The following GRK5 variants were observed in gnomAD, a reference collection of about 807,000 sequenced individuals.
GRK5 encodes g protein-coupled receptor kinase GRK5.
In GRK5, 40 loss-of-function variants were observed where a neutral mutation model predicts 78.4. The ratio of observed to expected loss-of-function variants is 0.51; its 90% CI spans 0.40 to 0.66. The LOEUF (loss-of-function observed/expected upper bound fraction) is 0.66, where lower values mean the gene tolerates loss of function less well. Ranked by LOEUF, GRK5 falls within the 30% of genes least tolerant of loss-of-function variation. The pLI, the probability that GRK5 is intolerant of heterozygous loss-of-function variation, is 0.00. For synonymous variants in GRK5, 289 were observed against 296.8 expected (o/e 0.97, Z 0.27); for missense variants, 598 against 759.9 (o/e 0.79, Z 2.50).
At chr10:119,226,291 CTT>C (rs923642113) in intron 1 of GRK5, among the ~76,000 whole-genome samples, 3 of 125,906 alleles carry the variant, frequency 2.4e-5, no homozygotes, top group Non-Finnish European at 1.7e-5. Flanking sequence ...TCTTCTTTTT[CTT>C]TTTTTTTTTT....
chr10:119,243,210 C>T (rs927100414), intron 1 of GRK5, among the ~76,000 whole-genome samples: 2 of 152,126 alleles, frequency 1.3e-5, no homozygotes, highest in African/African-American at 4.8e-5. Context: ...GCATTCCCAC[C>T]TGGGTGAAAG....
At chr10:119,322,104 C>T (rs1464982791) in intron 1 of GRK5, among the ~76,000 whole-genome samples, 4 of 152,180 alleles carry the variant, frequency 2.6e-5, no homozygotes, top group South Asian at 2.1e-4. Context: ...TGCGCCACCA[C>T]GCCCAGCTAC....
intron 1 of GRK5, among the ~76,000 whole-genome samples, chr10:119,249,478 C>T (rs1431127263): frequency 1.3e-5 from 2 of 151,858 alleles, no homozygotes; most frequent in African/African-American, 4.8e-5. Context: ...TGTGTGTAAA[C>T]ACTTTAAACA....
chr10:119,309,256 G>A (rs1372174184), intron 1 of GRK5, among the ~76,000 whole-genome samples: 1 of 152,234 alleles, frequency 6.6e-6, no homozygotes, highest in Non-Finnish European at 1.5e-5. Flanking sequence ...ACCTGGCATG[G>A]GTCAGTGCCG....
At position 119,253,088 on chromosome 10, in the gene GRK5, G is replaced by T. The variant is rs573440208; in HGVS notation, c.52+45119G>T. Among the ~76,000 whole-genome samples, 1 of 152,234 alleles carries T rather than the reference G, an allele frequency of 6.6e-6. No homozygotes were observed. Among genetic ancestry groups the T allele is most frequent in the East Asian group, 1.9e-4 (1 of 5,176 alleles). On this transcript the variant is annotated intron_variant, in intron 1 of 15. Transcript: ENST00000392870. This position sits in a 1 kb window ranked among gnomAD's most constrained non-coding sequence, Gnocchi z 5.7. ...CTGATACGCCCCCTTAGTGCTCAAG[G>T]CTGGTTTCAACCCTGCTGTACTAAT...
Position 119,431,590 on chromosome 10 carries a change from C to G in GRK5, c.738+63C>G. The G allele has an allele frequency of 6.4e-7, 1 of 1,567,214 alleles. No homozygotes were observed. The highest frequency in any genetic ancestry group is 8.7e-7 in the Non-Finnish European group (1 of 1,152,982). ...TCTGTGGACTGGGGCTTCCCTCCCT[C>G]CGGAAGGGCGTGGTCCTCTAATGCG... On this transcript the variant is annotated intron_variant, in intron 8 of 15. Transcript: ENST00000392870. The surrounding 1 kb of genome is among the most constrained non-coding windows in gnomAD (Gnocchi z 4.8).
At chr10:119,450,432 C>T (rs1213545481) in intron 13 of GRK5, among the ~76,000 whole-genome samples, 5 of 152,130 alleles carry the variant, frequency 3.3e-5, no homozygotes, top group Admixed American at 3.3e-4. Flanking sequence ...AGCAAAACCC[C>T]TTAAATAGAA....
At chr10:119,384,337 C>T (rs1273222124) in intron 3 of GRK5, among the ~76,000 whole-genome samples, 1 of 152,218 alleles carries the variant, frequency 6.6e-6, no homozygotes, top group Admixed American at 6.5e-5. Flanking sequence ...ACTGCTGCCC[C>T]GTGCTGGCAG....
intron 1 of GRK5, among the ~76,000 whole-genome samples, chr10:119,317,874 C>T (rs564338061): frequency 7.2e-5 from 11 of 152,206 alleles, no homozygotes; most frequent in Non-Finnish European, 1.5e-4. Context: ...TTTCCAGGCA[C>T]TTTCTCTTGA....
At position 119,431,321 on chromosome 10, in the gene GRK5, C is replaced by G. The variant is rs1360934219; in HGVS notation, c.598-66C>G. On this transcript the variant is annotated intron_variant, in intron 7 of 15. Transcript: ENST00000392870. This position sits in a 1 kb window ranked among gnomAD's most constrained non-coding sequence, Gnocchi z 4.8. ...TACCTGGGAGGCCTGTGGTCCCCGC[C>G]CTGGAGGAGCTCGGGGCAGGCCTCC... 1 of 1,552,232 alleles carries G rather than the reference C, an allele frequency of 6.4e-7. No individual in the cohort carries two copies. Among genetic ancestry groups the G allele is most frequent in the Admixed American group, 1.9e-5 (1 of 52,480 alleles).
At chr10:119,411,842 C>CTT (rs10578557) in intron 4 of GRK5, among the ~76,000 whole-genome samples, 3,444 of 95,644 alleles carry the variant, frequency 0.036, 482 homozygotes, top group East Asian at 0.12. Flanking sequence ...AGATCTGCTT[C>CTT]TTTTTTTTTT....
intron 1 of GRK5, among the ~76,000 whole-genome samples, chr10:119,295,617 C>A (rs1850066428): frequency 6.6e-6 from 1 of 152,120 alleles, no homozygotes; most frequent in Non-Finnish European, 1.5e-5. Context: ...TGGAATACTA[C>A]TCAGCCATAA....
At chr10:119,220,621 G>GC (rs753763264) in intron 1 of GRK5, among the ~76,000 whole-genome samples, 201 of 152,014 alleles carry the variant, frequency 1.3e-3, no homozygotes, top group Non-Finnish European at 2.5e-3. Context: ...GATCACCTGA[G>GC]GTCAGGAGTT....
At chr10:119,408,717 C>G (rs918302063) in intron 4 of GRK5, among the ~76,000 whole-genome samples, 3 of 152,086 alleles carry the variant, frequency 2.0e-5, no homozygotes, top group African/African-American at 7.2e-5. Flanking sequence ...TAGGGAGTTG[C>G]TGCTTAACAG....
chr10:119,274,400 C>T (rs1224776287), intron 1 of GRK5, among the ~76,000 whole-genome samples: 3 of 152,222 alleles, frequency 2.0e-5, no homozygotes, highest in South Asian at 2.1e-4. Context: ...TGGCGAGAGG[C>T]GTACAGAGGG....
chr10:119,334,725 A>G (rs1850844443), intron 2 of GRK5: 1 of 152,172 alleles, frequency 6.6e-6, no homozygotes, highest in Admixed American at 6.6e-5. Context: ...GGCTTGAGTG[A>G]AAGAGTTGAT....
chr10:119,401,023 G>A (rs1252139470), intron 4 of GRK5, among the ~76,000 whole-genome samples: 1 of 152,190 alleles, frequency 6.6e-6, no homozygotes, highest in African/African-American at 2.4e-5. Context: ...TCTGCTCTCT[G>A]TGTCCCCGCC....
chr10:119,373,087 A>G (rs1282838195), intron 2 of GRK5, among the ~76,000 whole-genome samples: 1 of 152,264 alleles, frequency 6.6e-6, no homozygotes, highest in African/African-American at 2.4e-5. Flanking sequence ...GGAACAGGTG[A>G]TAAAGCAGTT....
At chr10:119,285,916 C>T (rs1849840887) in intron 1 of GRK5, among the ~76,000 whole-genome samples, 1 of 151,998 alleles carries the variant, frequency 6.6e-6, no homozygotes, top group African/African-American at 2.4e-5. Flanking sequence ...CTCAGCTTCC[C>T]TGTCTGCAAA....
Sources: allele counts gnomAD v4.1 joint callset (sites outside exome capture counted in the v4.1 genomes callset), GRCh38; gene constraint gnomAD v4.1.1; non-coding constraint Gnocchi (gnomAD v3.1); transcripts MANE v1.5; gene names NCBI Gene and HGNC (gene_info 2026-07-23, HGNC 2026-07-21).